MACROD2: variants seen among roughly 807,000 people sequenced by gnomAD.
The protein encoded by MACROD2 is mono-ADP ribosylhydrolase 2.
Under a neutral mutation model 70.4 loss-of-function variants are expected in MACROD2, and 36 were observed. The observed-to-expected ratio is 0.51, with a 90% CI of 0.39 to 0.68. MACROD2 has a LOEUF of 0.68. Ranked by LOEUF, MACROD2 falls within the 30% of genes least tolerant of loss-of-function variation. The probability of loss-of-function intolerance (pLI) is 0.00; values close to 1 mark genes in which losing one functional copy is unlikely to be tolerated. For missense variants in MACROD2, 496 were observed against 538.4 expected (o/e 0.92, Z 0.78); for synonymous variants, 172 against 178.8 (o/e 0.96, Z 0.30).
At chr20:14,861,688 T>C in intron 5 of MACROD2, among the ~76,000 whole-genome samples, 1 of 151,442 alleles carries the variant, frequency 6.6e-6, no homozygotes. Flanking sequence ...ACCCCAGGAA[T>C]TAGAAGGAAG....
intron 8 of MACROD2, among the ~76,000 whole-genome samples, chr20:15,658,977 A>T (rs568876363): frequency 5.2e-4 from 79 of 152,344 alleles, no homozygotes; most frequent in African/African-American, 1.8e-3. Context: ...TAAGACATAT[A>T]GTAACATAGT....
intron 5 of MACROD2, among the ~76,000 whole-genome samples, chr20:14,784,662 T>C (rs1224030716): frequency 1.6e-4 from 5 of 31,770 alleles, no homozygotes; most frequent in Non-Finnish European, 3.3e-4. Context: ...AGGATGGTGT[T>C]TTAAGTGGGG....
intron 8 of MACROD2, among the ~76,000 whole-genome samples, chr20:15,607,531 T>C (rs998165898): frequency 6.6e-6 from 1 of 152,110 alleles, no homozygotes; most frequent in African/African-American, 2.4e-5. Context: ...AGATGTTTGT[T>C]TGTTTATTTA....
chr20:15,925,136 T>C (rs993188513), intron 10 of MACROD2, among the ~76,000 whole-genome samples: 4 of 152,186 alleles, frequency 2.6e-5, no homozygotes, highest in Non-Finnish European at 4.4e-5. Flanking sequence ...TATCATCAAT[T>C]TGCGAGCACA....
At chr20:14,565,450 C>T (rs1393312004) in intron 4 of MACROD2, among the ~76,000 whole-genome samples, 1 of 146,938 alleles carries the variant, frequency 6.8e-6, no homozygotes, top group East Asian at 2.1e-4. Flanking sequence ...ACCCCTCCCT[C>T]TCTTTAAACC....
chr20:14,311,011 A>G (rs1234551623), intron 3 of MACROD2, among the ~76,000 whole-genome samples: 1 of 152,194 alleles, frequency 6.6e-6, no homozygotes, highest in Admixed American at 6.5e-5. Context: ...ATAAAATGAA[A>G]CAGTTACAGT....
chr20:14,908,964 G>A (rs2073993304), intron 5 of MACROD2, among the ~76,000 whole-genome samples: 1 of 152,146 alleles, frequency 6.6e-6, no homozygotes, highest in Admixed American at 6.5e-5. Flanking sequence ...GCATTCAGAA[G>A]GCATGATGGG....
intron 3 of MACROD2, among the ~76,000 whole-genome samples, chr20:14,138,806 C>T (rs1426886360): frequency 1.1e-4 from 6 of 54,396 alleles, no homozygotes; most frequent in East Asian, 7.5e-4. Context: ...CACACACACA[C>T]GGTAACTATG....
At chr20:15,024,556 T>C (rs904893030) in intron 5 of MACROD2, among the ~76,000 whole-genome samples, 2 of 151,998 alleles carry the variant, frequency 1.3e-5, no homozygotes, top group Admixed American at 6.6e-5. Context: ...TAAAAAACAT[T>C]TGTTAAAACA....
At chr20:15,399,225 A>T (rs1243056320) in intron 6 of MACROD2, among the ~76,000 whole-genome samples, 1 of 152,038 alleles carries the variant, frequency 6.6e-6, no homozygotes, top group African/African-American at 2.4e-5. Context: ...CTAATAGAAT[A>T]CAGTCACCCT....
intron 5 of MACROD2, among the ~76,000 whole-genome samples, chr20:15,134,273 C>A (rs2076129229): frequency 6.7e-6 from 1 of 149,654 alleles, no homozygotes; most frequent in Non-Finnish European, 1.5e-5. Context: ...CCTGTAATCT[C>A]AGCACTTTGG....
intron 8 of MACROD2, among the ~76,000 whole-genome samples, chr20:15,648,926 CT>C (rs2049595333): frequency 6.6e-6 from 1 of 152,092 alleles, no homozygotes; most frequent in Non-Finnish European, 1.5e-5. Context: ...ATAAAAATGG[CT>C]TATGTAATAG....
intron 3 of MACROD2, among the ~76,000 whole-genome samples, chr20:14,144,721 C>T: frequency 6.6e-6 from 1 of 152,162 alleles, no homozygotes; most frequent in Non-Finnish European, 1.5e-5. Context: ...CCTTCAGCGA[C>T]CTTTAGAAGC....
chr20:14,866,925 T>C (rs980297227), intron 5 of MACROD2, among the ~76,000 whole-genome samples: 1 of 152,128 alleles, frequency 6.6e-6, no homozygotes, highest in African/African-American at 2.4e-5. Flanking sequence ...TCAAAGCTAT[T>C]TGATTTTAAA....
chr20:15,093,046 G>A (rs1453653459), intron 5 of MACROD2, among the ~76,000 whole-genome samples: 1 of 152,222 alleles, frequency 6.6e-6, no homozygotes, highest in East Asian at 1.9e-4. Flanking sequence ...GCAATACTAA[G>A]AATAAAGTAG....
At chr20:14,865,299 G>A (rs961908823) in intron 5 of MACROD2, among the ~76,000 whole-genome samples, 2 of 152,092 alleles carry the variant, frequency 1.3e-5, no homozygotes, top group Middle Eastern at 3.4e-3. Flanking sequence ...TGTAACCCTG[G>A]TCCCTGTGCT....
chr20:15,081,397 C>T lies in MACROD2; in HGVS notation c.419-148543C>T, dbSNP rs192416037. Among the ~76,000 whole-genome samples, 11 of 152,126 alleles carry T rather than the reference C, an allele frequency of 7.2e-5. 1 individual carries two copies. Among genetic ancestry groups the T allele is most frequent in the Admixed American group, 2.6e-4 (4 of 15,260 alleles). On this transcript the variant is annotated intron_variant, in intron 5 of 17. Coordinates refer to ENST00000684519, the MANE Select transcript of MACROD2 (RefSeq NM_001351661.2). Reference sequence around the variant, plus strand: ...TAGAAAAAAGCTTGGCAGTTTCTACCGTGGATTAACATTCCTTCACAGAAG... The same window carrying T: ...TAGAAAAAAGCTTGGCAGTTTCTACTGTGGATTAACATTCCTTCACAGAAG...
intron 5 of MACROD2, among the ~76,000 whole-genome samples, chr20:15,133,141 G>T (rs1287207211): frequency 6.6e-6 from 1 of 151,988 alleles, no homozygotes; most frequent in East Asian, 1.9e-4. Context: ...TTGGCAGAGG[G>T]AAGTGCTATA....
At chr20:14,423,801 C>T (rs144369919) in intron 3 of MACROD2, among the ~76,000 whole-genome samples, 31 of 79,270 alleles carry the variant, frequency 3.9e-4, no homozygotes, top group Non-Finnish European at 1.7e-4. Context: ...TCGCTCTTTT[C>T]GCCCAGGCTG....
Sources: gnomAD v4.1 joint callset for allele counts (sites outside exome capture counted in the v4.1 genomes callset) on GRCh38, gnomAD v4.1.1 for gene constraint, MANE v1.5 for transcripts, NCBI Gene and HGNC (gene_info 2026-07-23, HGNC 2026-07-21) for gene names.